Variants in ARF4 observed in about 807,000 individuals in gnomAD.
ARF4 encodes ARF GTPase 4, also known as ADP-ribosylation factor 4.
In ARF4, 5 loss-of-function variants were observed where a neutral mutation model predicts 24.3. That is an observed-to-expected ratio of 0.21 (90% CI 0.11 to 0.43). ARF4 has a LOEUF of 0.43. ARF4 is among the 20% of genes least tolerant of loss of function. The pLI, the probability that ARF4 is intolerant of heterozygous loss-of-function variation, is 1.00. For synonymous variants in ARF4, 62 were observed against 73.5 expected (o/e 0.84, Z 0.80); for missense variants, 107 against 213.0 (o/e 0.50, Z 3.10).
chr3:57,573,880 C>T (rs1417777770), intron 5 of ARF4, among the ~76,000 whole-genome samples: 6 of 152,110 alleles, frequency 3.9e-5, no homozygotes, highest in Admixed American at 3.9e-4. Context: ...CCACACCCGG[C>T]CCAGTTTATG....
At chr3:57,596,697 G>A in intron 1 of ARF4, 1 of 230,364 alleles carries the variant, frequency 4.3e-6, no homozygotes, top group Non-Finnish European at 8.8e-6. Flanking sequence ...CCTGACCGCT[G>A]TCCACACCCG....
At chr3:57,574,427 AAG>A (rs2069879326) in intron 5 of ARF4, among the ~76,000 whole-genome samples, 2 of 112,332 alleles carry the variant, frequency 1.8e-5, no homozygotes. Context: ...TTTTTTTTTA[AAG>A]AAACAGTCTT....
In ARF4 at chr3:57,584,069, G is replaced by A. The variant is rs753990618; in HGVS notation, c.149-62C>T. 170 of 1,164,330 alleles carry A rather than the reference G, an allele frequency of 1.5e-4. 2 individuals carry two copies. The highest frequency in any genetic ancestry group is 4.4e-5 in the Admixed American group (2 of 45,378). The allele number at this position is 1,164,330 out of a possible 1,614,324, so 72.1% of individuals were successfully genotyped here. A position where few individuals can be genotyped will look rare whatever the true frequency, so the allele number is the denominator to read the frequency against. ...CATTAAGAAAATAAAACCTTTTATT[G>A]TGGAATTTTCTTAGAATAGTGTTTT... On this transcript the variant is annotated intron_variant, in intron 2 of 5. Coordinates refer to ENST00000303436, the MANE Select transcript of ARF4 (RefSeq NM_001660.4).
chr3:57,573,201 C>A (rs1362411188), intron 5 of ARF4, among the ~76,000 whole-genome samples: 188 of 125,592 alleles, frequency 1.5e-3, no homozygotes, highest in African/African-American at 2.2e-3. Flanking sequence ...GACTCCATCT[C>A]AAAAAAAAAA....
intron 3 of ARF4, among the ~76,000 whole-genome samples, chr3:57,578,560 G>A (rs1308827613): frequency 6.6e-6 from 1 of 151,946 alleles, no homozygotes; most frequent in East Asian, 1.9e-4. Context: ...GCTCACTGCA[G>A]CCTTGACCCC....
At chr3:57,582,142 ACCT>A (rs1274526417) in intron 3 of ARF4, among the ~76,000 whole-genome samples, 7 of 152,192 alleles carry the variant, frequency 4.6e-5, no homozygotes, top group Non-Finnish European at 8.8e-5. Context: ...AGGAATGTTC[ACCT>A]TGTATTTAAC....
chr3:57,597,323 G>C lies in ARF4; in HGVS notation c.-183C>G. On this transcript the variant is annotated 5_prime_UTR_variant, in exon 1 of 6. Transcript: ENST00000303436. ...GAAGATCCGGCACAGGAATAAGCCG[G>C]TAGAGGACCTGCTAGGCGACTGGCG... 1 of 559,802 alleles carries C rather than the reference G, an allele frequency of 1.8e-6. No individual in the cohort carries two copies. The highest frequency in any genetic ancestry group is 3.2e-6 in the Non-Finnish European group (1 of 314,254). 34.7% of individuals were successfully genotyped at this position (559,802 alleles called of 1,614,324 possible). A position where few individuals can be genotyped will look rare whatever the true frequency, so the allele number is the denominator to read the frequency against.
chr3:57,573,601 A>C (rs1045670478), intron 5 of ARF4, among the ~76,000 whole-genome samples: 51 of 152,150 alleles, frequency 3.4e-4, no homozygotes, highest in African/African-American at 1.2e-3. Flanking sequence ...GATTGTTTTG[A>C]GGCAGAGTAC....
At chr3:57,573,771 A>G (rs981152851) in intron 5 of ARF4, among the ~76,000 whole-genome samples, 1 of 152,034 alleles carries the variant, frequency 6.6e-6, no homozygotes, top group African/African-American at 2.4e-5. Flanking sequence ...TAGTAGAGAC[A>G]GAGTTTTACC....
chr3:57,593,010 G>T (rs1328388156), intron 1 of ARF4, among the ~76,000 whole-genome samples: 1 of 152,062 alleles, frequency 6.6e-6, no homozygotes, highest in African/African-American at 2.4e-5. Flanking sequence ...TTTGAGATCA[G>T]CTGGGCAACA....
chr3:57,579,580 G>A (rs1349795658), intron 3 of ARF4, among the ~76,000 whole-genome samples: 1 of 152,004 alleles, frequency 6.6e-6, no homozygotes, highest in Non-Finnish European at 1.5e-5. Context: ...GAGCCACCGC[G>A]CCCAGCCCCA....
chr3:57,574,429 G>GTTTT (rs2069879396), intron 5 of ARF4, among the ~76,000 whole-genome samples: 18 of 121,246 alleles, frequency 1.5e-4, no homozygotes, highest in African/African-American at 5.1e-4. Context: ...TTTTTTTAAA[G>GTTTT]AAACAGTCTT....
At chr3:57,582,815 T>G (rs551483937) in intron 3 of ARF4, among the ~76,000 whole-genome samples, 16 of 152,172 alleles carry the variant, frequency 1.1e-4, no homozygotes, top group African/African-American at 3.4e-4. Context: ...ACAATCGAGG[T>G]GGGACCAGGT....
At chr3:57,588,961 G>C (rs1473924995) in intron 1 of ARF4, among the ~76,000 whole-genome samples, 1 of 152,132 alleles carries the variant, frequency 6.6e-6, no homozygotes, top group Non-Finnish European at 1.5e-5. Flanking sequence ...AATTAGCTGG[G>C]TGTAGTGGCA....
At chr3:57,589,486 G>C (rs1327971095) in intron 1 of ARF4, among the ~76,000 whole-genome samples, 2 of 152,108 alleles carry the variant, frequency 1.3e-5, no homozygotes, top group African/African-American at 2.4e-5. Flanking sequence ...TTGGGAGGCT[G>C]AAGTGGGTGG....
At chr3:57,583,596 C>G (rs2070001750) in intron 3 of ARF4, among the ~76,000 whole-genome samples, 1 of 152,144 alleles carries the variant, frequency 6.6e-6, no homozygotes, top group Non-Finnish European at 1.5e-5. Flanking sequence ...ACAGACCTTA[C>G]TTTCTAAACT....
rs767180500 is a variant in ARF4 at position 57,572,188 on chromosome 3, C to T, written c.*24G>A. On this transcript the variant is annotated 3_prime_UTR_variant, in exon 6 of 6. Transcript: ENST00000303436. ...CCTAGACCAATTTTATCAAACATGT[C>T]CTTGGTTAGATATCCAATTTCATTT... The T allele has an allele frequency of 9.4e-6, 15 of 1,587,988 alleles. No individual in the cohort carries two copies. The South Asian group carries it at 1.7e-4, about 18-fold the overall frequency.
Position 57,572,108 on chromosome 3 carries a change from C to T in ARF4, c.*104G>A, listed in dbSNP as rs1575778471. The T allele has an allele frequency of 1.2e-6, 1 of 843,770 alleles. No homozygotes were observed. Among genetic ancestry groups the T allele is most frequent in the East Asian group, 2.5e-5 (1 of 40,650 alleles). The allele number at this position is 843,770 out of a possible 1,614,324, so 52.3% of individuals were successfully genotyped here. A position where few individuals can be genotyped will look rare whatever the true frequency, so the allele number is the denominator to read the frequency against. On this transcript the variant is annotated 3_prime_UTR_variant, in exon 6 of 6. Coordinates refer to ENST00000303436, the MANE Select transcript of ARF4 (RefSeq NM_001660.4). ...AAATAAGTTTAATATTCTGCCCAAA[C>T]CAGTCCCAGATACTGTTTAATAACC...
intron 3 of ARF4, among the ~76,000 whole-genome samples, chr3:57,581,820 G>A (rs974872977): frequency 1.1e-4 from 16 of 152,218 alleles, no homozygotes; most frequent in Admixed American, 5.2e-4. Flanking sequence ...TGTCTAGAGG[G>A]TAGAGCACAT....
Sources: allele counts gnomAD v4.1 joint callset (sites outside exome capture counted in the v4.1 genomes callset), GRCh38; gene constraint gnomAD v4.1.1; transcripts MANE v1.5; gene names NCBI Gene and HGNC (gene_info 2026-07-23, HGNC 2026-07-21).